Variants in ANKS1B observed in about 807,000 individuals in gnomAD.
The protein encoded by ANKS1B is ankyrin repeat and sterile alpha motif domain-containing protein 1B.
A neutral mutation model predicts 148.3 loss-of-function variants in ANKS1B; 36 were observed. That is an observed-to-expected ratio of 0.24 (90% CI 0.19 to 0.32). The LOEUF is 0.32. Ranked by LOEUF, ANKS1B falls within the 10% of genes least tolerant of loss-of-function variation. ANKS1B has a pLI of 1.00. For missense variants in ANKS1B, 1,157 were observed against 1,542.6 expected, an observed-to-expected ratio of 0.75 and a Z score of 4.19; for synonymous variants, 542 against 560.8, an observed-to-expected ratio of 0.97 and a Z score of 0.47.
At chr12:98,946,604 T>C (rs142903504) in intron 17 of ANKS1B, among the ~76,000 whole-genome samples, 8 of 152,032 alleles carry the variant, frequency 5.3e-5, no homozygotes, top group Non-Finnish European at 1.2e-4. Context: ...GGGGGAAAGA[T>C]GAGAGCAGCT....
At chr12:99,213,872 T>A (rs2083722770) in intron 14 of ANKS1B, among the ~76,000 whole-genome samples, 1 of 152,248 alleles carries the variant, frequency 6.6e-6, no homozygotes, top group Non-Finnish European at 1.5e-5. Flanking sequence ...GGAGCAGGGG[T>A]AGGCTAGCTC....
At chr12:99,121,318 G>GGTGTGTGTGTGTGTGTGTGTGTGT (rs1555269938) in intron 15 of ANKS1B, among the ~76,000 whole-genome samples, 1 of 105,926 alleles carries the variant, frequency 9.4e-6, no homozygotes, top group Non-Finnish European at 1.9e-5. Flanking sequence ...TGTGTATGTA[G>GGTGTGTGTGTGTGTGTGTGTGTGT]GTATGTGTGT....
chr12:98,750,716 T>C (rs577013809), intron 26 of ANKS1B, among the ~76,000 whole-genome samples: 1 of 152,280 alleles, frequency 6.6e-6, no homozygotes, highest in South Asian at 2.1e-4. Context: ...TTTGAAGTCA[T>C]GCAAGCCTGT....
intron 24 of ANKS1B, among the ~76,000 whole-genome samples, chr12:98,773,603 T>C (rs1330906667): frequency 3.3e-5 from 5 of 152,126 alleles, no homozygotes; most frequent in Non-Finnish European, 5.9e-5. Context: ...TACAGGTGCA[T>C]GCCACCAGGC....
chr12:98,834,188 T>C lies in ANKS1B; in HGVS notation c.2779-2052A>G, dbSNP rs200983785. Among the ~76,000 whole-genome samples, 12 of 152,326 alleles carry C rather than the reference T, an allele frequency of 7.9e-5. No individual in the cohort carries two copies. In the East Asian group the frequency reaches 2.3e-3, roughly 29 times the overall value. On this transcript the variant is annotated intron_variant, in intron 17 of 26. Coordinates refer to ENST00000683438, the MANE Select transcript of ANKS1B (RefSeq NM_001352186.2). ...CCCCAGGCTGATTAATCCTAATCTT[T>C]GCAAGTTTGTTTTCATAAAGCAGCT... is the stretch of plus-strand genomic sequence containing the variant.
At chr12:99,415,997 T>C (rs1410973843) in intron 11 of ANKS1B, among the ~76,000 whole-genome samples, 1 of 152,094 alleles carries the variant, frequency 6.6e-6, no homozygotes, top group African/African-American at 2.4e-5. Context: ...TGCCCTTTTA[T>C]AGCTACACTC....
chr12:99,461,316 T>C (rs1303126228), intron 10 of ANKS1B, among the ~76,000 whole-genome samples: 2 of 152,032 alleles, frequency 1.3e-5, no homozygotes, highest in Non-Finnish European at 1.5e-5. Flanking sequence ...GTCTACACAT[T>C]GGGTACAGTG....
chr12:99,117,352 T>C (rs1250390389), intron 15 of ANKS1B, among the ~76,000 whole-genome samples: 1 of 152,226 alleles, frequency 6.6e-6, no homozygotes, highest in Non-Finnish European at 1.5e-5. Flanking sequence ...AAATAGCTCT[T>C]ATTATTTTGA....
chr12:99,798,036 C>G (rs1383020396), intron 4 of ANKS1B, among the ~76,000 whole-genome samples: 10 of 151,722 alleles, frequency 6.6e-5, no homozygotes, highest in African/African-American at 2.4e-4. Flanking sequence ...TCTATTCTAC[C>G]AGAGTGCCAA....
At position 99,504,618 on chromosome 12, in the gene ANKS1B, A is replaced by T. The variant is rs1462072824; in HGVS notation, c.1296T>A (p.Asn432Lys). Residue 432 changes from asparagine to lysine, a missense_variant, in exon 10 of 27, where the codon AAT (asparagine) becomes AAA (lysine). Physicochemically the swap from Asn to Lys is moderately conservative, Grantham distance 94. Coordinates refer to ENST00000683438, the MANE Select transcript of ANKS1B (RefSeq NM_001352186.2). ...CAGATGGTACAATTTCCATAGTGTA[A>T]TTTCTCTTCTTTGGATAGGACTCCT... is the stretch of plus-strand genomic sequence containing the variant. ...LAQESYPKKR[N>K]YTMEIVPSAS... 1 of 1,598,412 alleles carries T rather than the reference A, an allele frequency of 6.3e-7. No homozygotes were observed. Among genetic ancestry groups the T allele is most frequent in the Non-Finnish European group, 8.5e-7 (1 of 1,172,244 alleles).
At chr12:99,247,251 A>C (rs1410498842) in intron 12 of ANKS1B, among the ~76,000 whole-genome samples, 1 of 152,214 alleles carries the variant, frequency 6.6e-6, no homozygotes, top group Non-Finnish European at 1.5e-5. Context: ...AATCATCGTG[A>C]AGTAGAACAC....
At chr12:99,924,378 T>TC (rs1449660712) in intron 1 of ANKS1B, among the ~76,000 whole-genome samples, 1 of 152,188 alleles carries the variant, frequency 6.6e-6, no homozygotes, top group Non-Finnish European at 1.5e-5. Context: ...TCAAGATATT[T>TC]CCCCATTCTC....
At chr12:98,737,576 G>C (rs542017057) in intron 9 of ANKS1B, among the ~76,000 whole-genome samples, 1 of 152,294 alleles carries the variant, frequency 6.6e-6, no homozygotes, top group Admixed American at 6.5e-5. Context: ...ACACTTGTTG[G>C]ATGACTGGAA....
intron 12 of ANKS1B, among the ~76,000 whole-genome samples, chr12:99,351,664 A>G (rs1314321201): frequency 6.6e-6 from 1 of 152,082 alleles, no homozygotes; most frequent in South Asian, 2.1e-4. Context: ...ATAAAAGAGC[A>G]ATCACGGTAT....
chr12:99,057,090 A>G (rs1334994769), intron 16 of ANKS1B, among the ~76,000 whole-genome samples: 2 of 152,150 alleles, frequency 1.3e-5, no homozygotes, highest in East Asian at 3.9e-4. Flanking sequence ...TTTGATTTCT[A>G]AGATGACTCT....
intron 17 of ANKS1B, among the ~76,000 whole-genome samples, chr12:98,915,239 T>C (rs887328754): frequency 2.0e-5 from 3 of 152,206 alleles, no homozygotes; most frequent in Non-Finnish European, 4.4e-5. Context: ...AGAGGGAAGA[T>C]GATGTGAAGA....
chr12:98,765,367 G>T (rs1473915273), intron 25 of ANKS1B, among the ~76,000 whole-genome samples: 1 of 151,656 alleles, frequency 6.6e-6, no homozygotes, highest in Non-Finnish European at 1.5e-5. Context: ...TGGTTCAAGT[G>T]ATTCTCATGC....
chr12:98,756,797 G>A (rs557304275), intron 25 of ANKS1B, among the ~76,000 whole-genome samples: 2 of 146,552 alleles, frequency 1.4e-5, no homozygotes, highest in East Asian at 4.1e-4. Context: ...GCGCGATCTT[G>A]GCTCACTGCA....
intron 15 of ANKS1B, among the ~76,000 whole-genome samples, chr12:99,140,593 A>G (rs1432473037): frequency 1.3e-5 from 2 of 152,162 alleles, no homozygotes; most frequent in Non-Finnish European, 2.9e-5. Context: ...TCTTAATAAA[A>G]CCTTGCGAAC....
Sources: allele counts gnomAD v4.1 joint callset (sites outside exome capture counted in the v4.1 genomes callset), GRCh38; gene constraint gnomAD v4.1.1; transcripts MANE v1.5; gene names NCBI Gene and HGNC (gene_info 2026-07-23, HGNC 2026-07-21).